EBF1: variants seen among roughly 807,000 people sequenced by gnomAD.
The protein encoded by EBF1 is transcription factor COE1.
EBF1 carries 10 observed loss-of-function variants against 68.4 expected under a neutral mutation model. That is an observed-to-expected ratio of 0.15 (90% CI 0.09 to 0.25). EBF1 has a LOEUF of 0.25. Ranked by LOEUF, EBF1 falls within the 10% of genes least tolerant of loss-of-function variation. The pLI, the probability that EBF1 is intolerant of heterozygous loss-of-function variation, is 1.00. For missense variants in EBF1, 509 were observed against 794.4 expected (o/e 0.64, Z 4.32); for synonymous variants, 298 against 299.8 (o/e 0.99, Z 0.06).
At chr5:159,024,223 G>A (rs112988909) in intron 6 of EBF1, among the ~76,000 whole-genome samples, 12 of 152,096 alleles carry the variant, frequency 7.9e-5, no homozygotes, top group Admixed American at 2.0e-4. Context: ...GTCACTTTTC[G>A]TAGACTACTA....
At chr5:158,743,518 A>T (rs2127575725) in intron 10 of EBF1, among the ~76,000 whole-genome samples, 1 of 152,344 alleles carries the variant, frequency 6.6e-6, no homozygotes, top group South Asian at 2.1e-4. Context: ...CAACATTTTA[A>T]AGAGCCATAG....
chr5:158,887,648 AC>A (rs1279845339), intron 6 of EBF1, among the ~76,000 whole-genome samples: 1 of 152,174 alleles, frequency 6.6e-6, no homozygotes, highest in African/African-American at 2.4e-5. Context: ...GTGAATGACA[AC>A]CTTCACGGTC....
chr5:159,021,755 GACTGT>G (rs1766730963), intron 6 of EBF1, among the ~76,000 whole-genome samples: 1 of 152,148 alleles, frequency 6.6e-6, no homozygotes, highest in Admixed American at 6.5e-5. Flanking sequence ...ATCCTTAAAG[GACTGT>G]ACTGTTGACA....
At chr5:159,077,452 A>G (rs1778976478) in intron 5 of EBF1, among the ~76,000 whole-genome samples, 1 of 152,094 alleles carries the variant, frequency 6.6e-6, no homozygotes, top group Non-Finnish European at 1.5e-5. Context: ...AAAAAGAAAG[A>G]AATGACTGCC....
rs1436835657 is a variant in EBF1 at position 158,712,136 on chromosome 5, A to T, written c.1549+18T>A. On this transcript the variant is annotated intron_variant, in intron 14 of 15. Coordinates refer to ENST00000313708, the MANE Select transcript of EBF1 (RefSeq NM_024007.5). ...CTAGCGAAACGTGCAGGAACGCAGG[A>T]TATGCATCTCTACTTACTGGCATAG... 6.2e-7 allele frequency: 1 copy of T among 1,613,058 alleles called. No individual in the cohort carries two copies. Among genetic ancestry groups the T allele is most frequent in the Middle Eastern group, 1.7e-4 (1 of 5,978 alleles).
Position 158,912,918 on chromosome 5 carries a change from T to C in EBF1, c.555-72808A>G, listed in dbSNP as rs116485738. Among the ~76,000 whole-genome samples the C allele has an allele frequency of 4.6e-3, 695 of 152,356 alleles. 4 individuals are homozygous for C. Among genetic ancestry groups the C allele is most frequent in the African/African-American group, 0.015 (642 of 41,588 alleles). ...GACCGCAAAGGCAATTCCTGAGATA[T>C]TGTCCTCAACATTTCCAGAGGATGC... On this transcript the variant is annotated intron_variant, in intron 6 of 15. Coordinates refer to ENST00000313708, the MANE Select transcript of EBF1 (RefSeq NM_024007.5).
At chr5:158,744,914 G>A (rs536643293) in intron 10 of EBF1, among the ~76,000 whole-genome samples, 1 of 152,298 alleles carries the variant, frequency 6.6e-6, no homozygotes, top group Admixed American at 6.5e-5. Context: ...GTTTTCTGCT[G>A]ACACTCTTAA....
intron 6 of EBF1, among the ~76,000 whole-genome samples, chr5:158,970,861 C>T (rs1208017150): frequency 6.6e-6 from 1 of 152,212 alleles, no homozygotes; most frequent in South Asian, 2.1e-4. Context: ...CCTCTCACTT[C>T]CAAGTGCCTT....
At chr5:158,972,740 C>A (rs1223531011) in intron 6 of EBF1, among the ~76,000 whole-genome samples, 1 of 152,200 alleles carries the variant, frequency 6.6e-6, no homozygotes, top group East Asian at 1.9e-4. Context: ...TCCATAGCGC[C>A]CACGGGGCCC....
intron 6 of EBF1, among the ~76,000 whole-genome samples, chr5:159,024,350 A>T (rs1439435361): frequency 6.6e-6 from 1 of 152,246 alleles, no homozygotes; most frequent in East Asian, 1.9e-4. Context: ...TAGTCAACAC[A>T]TCTACCAGAA....
At chr5:159,071,418 C>G (rs1011225135) in intron 6 of EBF1, among the ~76,000 whole-genome samples, 1 of 152,178 alleles carries the variant, frequency 6.6e-6, no homozygotes, top group Non-Finnish European at 1.5e-5. Flanking sequence ...AAGCCACCAA[C>G]AGCATAAAGT....
intron 6 of EBF1, among the ~76,000 whole-genome samples, chr5:158,843,410 A>G (rs1373934922): frequency 1.3e-5 from 2 of 152,202 alleles, no homozygotes; most frequent in African/African-American, 4.8e-5. Flanking sequence ...TGCCTCAAAG[A>G]TGAGCTGGGG....
intron 6 of EBF1, among the ~76,000 whole-genome samples, chr5:158,876,819 T>A (rs897053752): frequency 6.6e-6 from 1 of 152,118 alleles, no homozygotes; most frequent in East Asian, 1.9e-4. Context: ...ACAAAGGAAA[T>A]TAAAAAATAG....
chr5:158,735,415 A>G (rs1764968725), intron 10 of EBF1, among the ~76,000 whole-genome samples: 1 of 152,244 alleles, frequency 6.6e-6, no homozygotes, highest in Non-Finnish European at 1.5e-5. Context: ...ACTGGTAGAA[A>G]GATATTTACT....
chr5:159,032,406 C>T (rs1261731535), intron 6 of EBF1, among the ~76,000 whole-genome samples: 2 of 152,200 alleles, frequency 1.3e-5, no homozygotes, highest in Admixed American at 6.5e-5. Context: ...GGATTTCCCT[C>T]ACCCATTCAA....
chr5:158,973,193 T>C (rs1204514282), intron 6 of EBF1, among the ~76,000 whole-genome samples: 1 of 152,152 alleles, frequency 6.6e-6, no homozygotes, highest in African/African-American at 2.4e-5. Flanking sequence ...CTAATCCCCA[T>C]TGCTAAGATC....
chr5:159,009,679 T>G (rs1764249315), intron 6 of EBF1, among the ~76,000 whole-genome samples: 1 of 151,072 alleles, frequency 6.6e-6, no homozygotes, highest in African/African-American at 2.4e-5. Context: ...CTCAGGAGGC[T>G]GAGGCAGGAG....
chr5:158,988,358 G>C (rs143884327), intron 6 of EBF1, among the ~76,000 whole-genome samples: 1 of 152,282 alleles, frequency 6.6e-6, no homozygotes, highest in African/African-American at 2.4e-5. Context: ...TGACTCTTGA[G>C]AAGAGTGGGA....
chr5:159,018,057 C>A (rs1184830626), intron 6 of EBF1, among the ~76,000 whole-genome samples: 1 of 152,094 alleles, frequency 6.6e-6, no homozygotes, highest in Non-Finnish European at 1.5e-5. Flanking sequence ...CTCCCAACAC[C>A]TCCCATCGCT....
Sources: gnomAD v4.1 joint callset for allele counts (sites outside exome capture counted in the v4.1 genomes callset) on GRCh38, gnomAD v4.1.1 for gene constraint, MANE v1.5 for transcripts, NCBI Gene and HGNC (gene_info 2026-07-23, HGNC 2026-07-21) for gene names.